Variants in RMP64 observed in about 807,000 individuals in gnomAD.
The protein encoded by RMP64 is ribonuclease MRP subunit p64, also known as nucleolus and neural progenitor protein.
the RMP64 span, chr3:113,008,121 A>AT: frequency 2.8e-5 from 43 of 1,552,626 alleles, no homozygotes; most frequent in Non-Finnish European, 3.5e-5. Context: ...ACTTTTACTC[A>AT]TAACAACAAC....
chr3:113,018,735 C>G, the RMP64 span, among the ~76,000 whole-genome samples: 455 of 152,256 alleles, frequency 3.0e-3, 3 homozygotes, highest in Middle Eastern at 6.8e-3. Context: ...ATTTACCATG[C>G]CAGGCAGTGT....
the RMP64 span, among the ~76,000 whole-genome samples, chr3:113,006,428 G>A: frequency 1.3e-5 from 2 of 152,120 alleles, no homozygotes; most frequent in Non-Finnish European, 2.9e-5. Flanking sequence ...GGCAGGAAAT[G>A]AACAAGGAAA....
the RMP64 span, chr3:113,008,612 A>G: frequency 1.8e-6 from 1 of 544,358 alleles, no homozygotes; most frequent in African/African-American, 1.9e-5. Flanking sequence ...TTATAACAAA[A>G]TACGTACCCC....
the RMP64 span, among the ~76,000 whole-genome samples, chr3:113,013,564 T>C: frequency 6.6e-6 from 1 of 151,824 alleles, no homozygotes; most frequent in East Asian, 1.9e-4. Flanking sequence ...AGCACAGAGC[T>C]TCCATGTCCT....
chr3:113,008,031 G>A, the RMP64 span: 1 of 674,872 alleles, frequency 1.5e-6, no homozygotes, highest in Non-Finnish European at 2.5e-6. Flanking sequence ...AGCAGCAAAT[G>A]CAATTGCAGT....
At chr3:113,011,400 G>A in the RMP64 span, 7 of 1,554,018 alleles carry the variant, frequency 4.5e-6, no homozygotes, top group Non-Finnish European at 6.1e-6. Context: ...CACCTTTATA[G>A]AGAACCCTAG....
chr3:113,008,207 C>A, the RMP64 span: 1 of 1,614,124 alleles, frequency 6.2e-7, no homozygotes. Context: ...AAGCCGGTTG[C>A]TTTTAAGAAG....
At chr3:113,017,725 C>A in the RMP64 span, 1 of 828,056 alleles carries the variant, frequency 1.2e-6, no homozygotes. Flanking sequence ...CTAATGTAAT[C>A]AGTCTCAACT....
the RMP64 span, chr3:113,017,344 A>G: frequency 1.1e-6 from 1 of 951,200 alleles, no homozygotes; most frequent in Non-Finnish European, 1.6e-6. Flanking sequence ...CAAGTAATTT[A>G]CTGAGATTTC....
At chr3:113,010,704 T>A in the RMP64 span, 1 of 1,612,624 alleles carries the variant, frequency 6.2e-7, no homozygotes, top group Non-Finnish European at 8.5e-7. Context: ...TGATGACTCT[T>A]CTGTGGAGGT....
chr3:113,005,910 T>C, the RMP64 span: 7 of 1,613,866 alleles, frequency 4.3e-6, no homozygotes, highest in Non-Finnish European at 5.9e-6. Flanking sequence ...TGTGATCTTC[T>C]CTGTCTCAGA....
chr3:113,016,789 A>G, the RMP64 span, among the ~76,000 whole-genome samples: 1 of 152,232 alleles, frequency 6.6e-6, no homozygotes, highest in Non-Finnish European at 1.5e-5. Flanking sequence ...AACACTTGCA[A>G]GGTAGCCCTG....
At chr3:113,005,593 T>G in the RMP64 span, 1 of 1,613,842 alleles carries the variant, frequency 6.2e-7, no homozygotes. Flanking sequence ...TAATGGTTCC[T>G]GATGTACTGT....
the RMP64 span, chr3:113,013,133 G>A: frequency 4.6e-6 from 4 of 875,670 alleles, no homozygotes; most frequent in South Asian, 1.6e-5. Flanking sequence ...CTGAGAAAAG[G>A]AGGCCAAGAA....
chr3:113,013,451 G>A, the RMP64 span: 1 of 1,260,880 alleles, frequency 7.9e-7, no homozygotes, highest in Non-Finnish European at 1.1e-6. Flanking sequence ...AAAAAAAAGG[G>A]TTTTTTTTTT....
chr3:113,017,488 T>C, the RMP64 span: 3 of 1,614,070 alleles, frequency 1.9e-6, no homozygotes, highest in East Asian at 2.2e-5. Context: ...GCCCATTCTG[T>C]TGTGATTGCT....
At chr3:113,017,454 G>C in the RMP64 span, 3 of 1,613,422 alleles carry the variant, frequency 1.9e-6, no homozygotes, top group Non-Finnish European at 2.5e-6. Context: ...TCACCTGTTT[G>C]AGGGCCAAAT....
At chr3:113,003,315 C>T in the RMP64 span, 1 of 152,090 alleles carries the variant, frequency 6.6e-6, no homozygotes, top group Non-Finnish European at 1.5e-5. Flanking sequence ...GTGCTCCAGC[C>T]TGGGCAACAG....
chr3:113,017,696 G>T, the RMP64 span: 1 of 1,178,338 alleles, frequency 8.5e-7, no homozygotes, highest in South Asian at 1.6e-5. Context: ...TTCCTTATTT[G>T]TTTTAAAGGA....
Sources: allele counts gnomAD v4.1 joint callset (sites outside exome capture counted in the v4.1 genomes callset), GRCh38; gene constraint gnomAD v4.1.1; transcripts MANE v1.5; gene names NCBI Gene and HGNC (gene_info 2026-07-23, HGNC 2026-07-21).